The following CAMK1D variants were observed in gnomAD, a reference collection of about 807,000 sequenced individuals.
CAMK1D encodes the protein calcium/calmodulin dependent protein kinase ID.
A neutral mutation model predicts 47.7 loss-of-function variants in CAMK1D; 9 were observed. The ratio of observed to expected loss-of-function variants is 0.19; its 90% CI spans 0.11 to 0.33. The LOEUF (loss-of-function observed/expected upper bound fraction) is 0.33. Among genes scored for constraint, CAMK1D ranks in the 10% least tolerant of loss-of-function variants. The pLI, the probability that CAMK1D is intolerant of heterozygous loss-of-function variation, is 1.00. For synonymous variants in CAMK1D, 184 were observed against 184.9 expected (o/e 0.99, Z 0.04); for missense variants, 291 against 488.7 (o/e 0.60, Z 3.81).
intron 2 of CAMK1D, among the ~76,000 whole-genome samples, chr10:12,637,024 T>C (rs1412100257): frequency 6.6e-6 from 1 of 152,066 alleles, no homozygotes; most frequent in African/African-American, 2.4e-5. Flanking sequence ...CAGGCTGGAG[T>C]ACAGTGCCTT....
At chr10:12,770,549 G>A (rs1027606712) in intron 5 of CAMK1D, among the ~76,000 whole-genome samples, 4 of 152,190 alleles carry the variant, frequency 2.6e-5, no homozygotes, top group African/African-American at 9.7e-5. Context: ...CAGGCACTGG[G>A]GTTAAGGCAG....
At chr10:12,367,717 A>G (rs1359633632) in intron 1 of CAMK1D, among the ~76,000 whole-genome samples, 1 of 152,042 alleles carries the variant, frequency 6.6e-6, no homozygotes, top group African/African-American at 2.4e-5. Context: ...CTCTAATGCC[A>G]CCGCTGACTG....
Position 12,506,504 on chromosome 10 carries a change from C to G in CAMK1D, c.93-46721C>G, listed in dbSNP as rs548660162. On this transcript the variant is annotated intron_variant, in intron 1 of 10. Transcript: ENST00000619168. ...TAAAGGAATAAAGGGAAGATCTGGG[C>G]TCTCTCTTTCTCTCTTTCTTTTTTT... 7.2e-5 allele frequency among the ~76,000 whole-genome samples: 11 copies of G among 152,008 alleles called. 1 individual carries two copies. In the South Asian group the frequency reaches 2.3e-3, roughly 32 times the overall value.
At chr10:12,751,083 T>G (rs187240589) in intron 3 of CAMK1D, among the ~76,000 whole-genome samples, 108 of 82,856 alleles carry the variant, frequency 1.3e-3, no homozygotes, top group Non-Finnish European at 2.0e-3. Context: ...TAAGATAAGA[T>G]AAGATAAGAT....
intron 6 of CAMK1D, among the ~76,000 whole-genome samples, chr10:12,807,350 G>T (rs956333836): frequency 1.3e-5 from 2 of 152,200 alleles, no homozygotes; most frequent in Non-Finnish European, 2.9e-5. Context: ...GCGGCCACAA[G>T]CGTGGGTTCC....
At chr10:12,764,811 T>C (rs2989497) in intron 4 of CAMK1D, among the ~76,000 whole-genome samples, 143,434 of 152,272 alleles carry the variant, frequency 0.94, 68,165 homozygotes, top group East Asian at 1. Flanking sequence ...TTAAAACTCA[T>C]TGGGGCCAGT....
intron 1 of CAMK1D, among the ~76,000 whole-genome samples, chr10:12,451,899 C>G (rs1227578080): frequency 6.6e-6 from 1 of 152,116 alleles, no homozygotes; most frequent in Admixed American, 6.6e-5. Flanking sequence ...GCCGATGGGC[C>G]TTCGACCACC....
chr10:12,367,770 G>A (rs1304641586), intron 1 of CAMK1D, among the ~76,000 whole-genome samples: 1 of 152,080 alleles, frequency 6.6e-6, no homozygotes, highest in Non-Finnish European at 1.5e-5. Flanking sequence ...TGATGGGGGC[G>A]TCTGTAAATA....
chr10:12,431,925 TGGCCATGC>T (rs1822690952), intron 1 of CAMK1D, among the ~76,000 whole-genome samples: 1 of 152,254 alleles, frequency 6.6e-6, no homozygotes, highest in African/African-American at 2.4e-5. Context: ...GTTTCCCTTT[TGGCCATGC>T]GGCAGGGTCT....
chr10:12,461,471 G>A (rs1833420438), intron 1 of CAMK1D, among the ~76,000 whole-genome samples: 1 of 151,988 alleles, frequency 6.6e-6, no homozygotes, highest in Non-Finnish European at 1.5e-5. Flanking sequence ...TGGGCGGGTC[G>A]CGAGGTTAAG....
intron 1 of CAMK1D, among the ~76,000 whole-genome samples, chr10:12,471,772 C>A (rs1157355960): frequency 3.9e-5 from 6 of 152,036 alleles, no homozygotes; most frequent in Non-Finnish European, 7.4e-5. Flanking sequence ...TGGCTCATAC[C>A]TGTAATCCCA....
intron 2 of CAMK1D, among the ~76,000 whole-genome samples, chr10:12,626,190 C>T (rs182497438): frequency 2.0e-5 from 3 of 152,150 alleles, no homozygotes; most frequent in East Asian, 1.9e-4. Flanking sequence ...CATACTCATA[C>T]GACACCAAAA....
intron 2 of CAMK1D, among the ~76,000 whole-genome samples, chr10:12,627,826 G>T (rs977465266): frequency 6.6e-5 from 10 of 152,114 alleles, no homozygotes; most frequent in Non-Finnish European, 1.5e-4. Flanking sequence ...CACGCCTGTA[G>T]TCCGAAATTT....
intron 2 of CAMK1D, among the ~76,000 whole-genome samples, chr10:12,604,368 G>C (rs1350736117): frequency 6.6e-6 from 1 of 152,184 alleles, no homozygotes; most frequent in Non-Finnish European, 1.5e-5. Context: ...CTTTGAAGCT[G>C]ACAGGCGTTA....
chr10:12,695,517 A>G lies in CAMK1D; in HGVS notation c.299+28707A>G, dbSNP rs747064632. On this transcript the variant is annotated intron_variant, in intron 3 of 10. Coordinates refer to ENST00000619168, the MANE Select transcript of CAMK1D (RefSeq NM_153498.4). Reference sequence around the variant, plus strand: ...GCCACCGCATTAGAACAAGCGCATGATGATGGAATAAGGTCTCACGTGGTT... The same window carrying G: ...GCCACCGCATTAGAACAAGCGCATGGTGATGGAATAAGGTCTCACGTGGTT... Among the ~76,000 whole-genome samples, 23 of 152,208 alleles carry G rather than the reference A, an allele frequency of 1.5e-4. 1 individual carries two copies. The highest frequency in any genetic ancestry group is 1.9e-4 in the Non-Finnish European group (13 of 68,044).
At chr10:12,682,571 G>A (rs907143401) in intron 3 of CAMK1D, among the ~76,000 whole-genome samples, 2 of 152,160 alleles carry the variant, frequency 1.3e-5, no homozygotes, top group African/African-American at 2.4e-5. Context: ...AGATATTGCA[G>A]CAGTTGTAGA....
chr10:12,809,810 C>G (rs1328243840), intron 6 of CAMK1D, among the ~76,000 whole-genome samples: 1 of 152,058 alleles, frequency 6.6e-6, no homozygotes, highest in Non-Finnish European at 1.5e-5. Flanking sequence ...AGAGACCTCC[C>G]GTGCTACATT....
intron 2 of CAMK1D, among the ~76,000 whole-genome samples, chr10:12,556,444 A>G (rs2768345): frequency 0.79 from 119,450 of 152,074 alleles, 47,677 homozygotes; most frequent in East Asian, 0.88. Context: ...CCAGGGCCTC[A>G]AGGGTAGGGG....
intron 1 of CAMK1D, among the ~76,000 whole-genome samples, chr10:12,502,077 G>T (rs1564375994): frequency 6.6e-6 from 1 of 152,200 alleles, no homozygotes; most frequent in Non-Finnish European, 1.5e-5. Context: ...GCAGGCACAG[G>T]CTCAGGGTCA....
Sources: allele counts gnomAD v4.1 joint callset (sites outside exome capture counted in the v4.1 genomes callset), GRCh38; gene constraint gnomAD v4.1.1; transcripts MANE v1.5; gene names NCBI Gene and HGNC (gene_info 2026-07-23, HGNC 2026-07-21).